Variants in DDC observed in about 807,000 individuals in gnomAD.
DDC encodes dopa decarboxylase, also known as aromatic-L-amino-acid decarboxylase.
Under a neutral mutation model 60.0 loss-of-function variants are expected in DDC, and 43 were observed. The ratio of observed to expected loss-of-function variants is 0.72; its 90% CI spans 0.56 to 0.92. DDC has a LOEUF of 0.92. DDC is among the 40% of genes least tolerant of loss of function. DDC has a pLI of 0.00. For missense variants in DDC, 573 were observed against 620.2 expected (o/e 0.92, Z 0.81); for synonymous variants, 232 against 234.6 (o/e 0.99, Z 0.10).
intron 6 of DDC, among the ~76,000 whole-genome samples, chr7:50,526,754 G>T (rs2044047251): frequency 6.6e-6 from 1 of 152,124 alleles, no homozygotes; most frequent in African/African-American, 2.4e-5. Flanking sequence ...GAACAGGGAG[G>T]TTGAAAGTAG....
Position 50,470,140 on chromosome 7 carries a change from C to A in DDC, c.1073G>T (p.Arg358Leu). The change falls in exon 12 of 15, where the codon CGC becomes CTC. Residue 358 changes from arginine to leucine, a missense_variant. Physicochemically the swap from Arg to Leu is moderately radical, Grantham distance 102. Coordinates refer to ENST00000444124, the MANE Select transcript of DDC (RefSeq NM_001082971.2). The stretch of plus-strand genomic sequence containing the variant: ...AAATACAAACCACATTTTCAAAGAG[C>A]GAAATCTTCTGCCCAGTGGTATCTG... ...HWQIPLGRRF[R>L]SLKMWFVFRM... 1 of 1,613,368 alleles carries A rather than the reference C, an allele frequency of 6.2e-7. No homozygotes were observed.
intron 9 of DDC, chr7:50,492,842 A>G: frequency 1.3e-6 from 2 of 1,543,464 alleles, no homozygotes; most frequent in Non-Finnish European, 1.7e-6. Context: ...AGATGAGCGC[A>G]CAGCCGCCAA....
chr7:50,476,524 G>A lies in DDC; in HGVS notation c.1041+100C>T, dbSNP rs187653463. ...CCAGTTAGAAGGTGCCCACCAGTGCGTGCTGATCATGAGAGTGGGGGAGGA... is the reference window on the plus strand; with the variant it reads ...CCAGTTAGAAGGTGCCCACCAGTGCATGCTGATCATGAGAGTGGGGGAGGA... On this transcript the variant is annotated intron_variant, in intron 11 of 14. Transcript: ENST00000444124. The A allele has an allele frequency of 1.0e-4, 115 of 1,137,302 alleles. No homozygotes were observed. In the African/African-American group the frequency reaches 1.5e-3, roughly 15 times the overall value. 70.5% of individuals were successfully genotyped at this position (1,137,302 alleles called of 1,614,324 possible).
At position 50,460,447 on chromosome 7, in the gene DDC, G is replaced by A. The variant is rs532184931; in HGVS notation, c.*19-1604C>T. Among the ~76,000 whole-genome samples, 202 of 149,840 alleles carry A rather than the reference G, an allele frequency of 1.3e-3. 15 individuals are homozygous for A. Among genetic ancestry groups the A allele is most frequent in the African/African-American group, 4.9e-3 (195 of 40,120 alleles). ...CCCTGCCCGGCCAGCCGCCCCGTCC[G>A]GCCAGCCACCCGGTCCAGGAGGTGA... On this transcript the variant is annotated intron_variant, in intron 14 of 14. Coordinates refer to ENST00000444124, the MANE Select transcript of DDC (RefSeq NM_001082971.2).
intron 6 of DDC, among the ~76,000 whole-genome samples, chr7:50,514,935 A>C (rs1192212040): frequency 6.6e-6 from 1 of 152,200 alleles, no homozygotes; most frequent in African/African-American, 2.4e-5. Context: ...GTTGAACCTA[A>C]GAATAATCAG....
At chr7:50,497,364 C>T (rs1302515874) in intron 8 of DDC, among the ~76,000 whole-genome samples, 1 of 152,162 alleles carries the variant, frequency 6.6e-6, no homozygotes, top group African/African-American at 2.4e-5. Flanking sequence ...AAGATGAAAC[C>T]TCAAGTTGTC....
intron 1 of DDC, among the ~76,000 whole-genome samples, chr7:50,548,149 G>A (rs769478439): frequency 1.1e-4 from 16 of 152,116 alleles, no homozygotes; most frequent in Admixed American, 2.0e-4. Context: ...CCCATTATTC[G>A]CCTGTCTTTC....
intron 5 of DDC, among the ~76,000 whole-genome samples, chr7:50,528,999 G>T (rs949516607): frequency 6.6e-6 from 1 of 152,158 alleles, no homozygotes; most frequent in Admixed American, 6.5e-5. Flanking sequence ...TCGCGGTGAT[G>T]TCTCCACACA....
rs565275310 is a variant in DDC at position 50,505,061 on chromosome 7, G to A, written c.715-1002C>T. ...GTCAGTCACACAACCCAGAAAATAC[G>A]GGCTGGGAGTCACTGCGGCCTCTCC... is the stretch of plus-strand genomic sequence containing the variant. On this transcript the variant is annotated intron_variant, in intron 6 of 14. Transcript: ENST00000444124. Among the ~76,000 whole-genome samples, 6 of 152,280 alleles carry A rather than the reference G, an allele frequency of 3.9e-5. No homozygotes were observed. The East Asian group carries it at 7.7e-4, about 20-fold the overall frequency.
At chr7:50,467,390 T>C in intron 12 of DDC, 75 bp from the exon 13 acceptor site, 2 of 1,209,256 alleles carry the variant, frequency 1.7e-6, no homozygotes, top group Non-Finnish European at 2.5e-6. Context: ...GAAAACCTTA[T>C]TAGACTGCCC....
chr7:50,459,370 G>A (rs1333718773), intron 14 of DDC, among the ~76,000 whole-genome samples: 4 of 152,186 alleles, frequency 2.6e-5, no homozygotes, highest in South Asian at 2.1e-4. Context: ...GCCTCTGCCC[G>A]GCCGCCACCC....
intron 6 of DDC, among the ~76,000 whole-genome samples, chr7:50,523,917 A>G (rs2043967502): frequency 6.6e-6 from 1 of 152,248 alleles, no homozygotes; most frequent in Non-Finnish European, 1.5e-5. Flanking sequence ...GGAAGCAAAC[A>G]AGATGTCCTT....
intron 1 of DDC, among the ~76,000 whole-genome samples, chr7:50,547,501 G>A (rs1185883988): frequency 6.6e-6 from 1 of 152,170 alleles, no homozygotes; most frequent in Non-Finnish European, 1.5e-5. Flanking sequence ...GCAGGCATGA[G>A]CCACCGCACC....
At chr7:50,564,651 C>A (rs144905419) in intron 1 of DDC, among the ~76,000 whole-genome samples, 1 of 152,230 alleles carries the variant, frequency 6.6e-6, no homozygotes, top group Non-Finnish European at 1.5e-5. Context: ...CCGAACAATT[C>A]TCCCAATAGA....
intron 2 of DDC, chr7:50,543,581 C>T: frequency 2.3e-6 from 1 of 431,056 alleles, no homozygotes; most frequent in Admixed American, 3.5e-5. Context: ...TGAGGACACG[C>T]TCTATGTACC....
At chr7:50,547,517 G>A (rs769411901) in intron 1 of DDC, among the ~76,000 whole-genome samples, 21 of 152,198 alleles carry the variant, frequency 1.4e-4, no homozygotes, top group Non-Finnish European at 2.2e-4. Flanking sequence ...GCACCTGCCC[G>A]ATAAATACTT....
At chr7:50,519,790 T>G (rs927856050) in intron 6 of DDC, among the ~76,000 whole-genome samples, 1 of 152,090 alleles carries the variant, frequency 6.6e-6, no homozygotes, top group African/African-American at 2.4e-5. Flanking sequence ...TGGTGCAGTG[T>G]ATACTGCTCA....
At chr7:50,503,812 C>T (rs1463936162) in intron 7 of DDC, among the ~76,000 whole-genome samples, 181 bp downstream of exon 7, 2 of 151,966 alleles carry the variant, frequency 1.3e-5, no homozygotes, top group East Asian at 1.9e-4. Flanking sequence ...TCCAATTAGC[C>T]CAAATTCTGA....
rs369907099 is a variant in DDC, at chr7:50,539,905, G to A, written c.315+10C>T. The A allele has an allele frequency of 6.3e-5, 101 of 1,609,218 alleles. No homozygotes were observed. The East Asian group carries it at 1.4e-3, about 22-fold the overall frequency. On this transcript the variant is annotated intron_variant, in intron 3 of 14. Coordinates refer to ENST00000444124, the MANE Select transcript of DDC (RefSeq NM_001082971.2). ...CAGGACCCCTTCCCGAGGTGCATCC[G>A]GACCCTCACCCAGGAGAAGCCGATG... is the stretch of plus-strand genomic sequence containing the variant.
Sources: allele counts gnomAD v4.1 joint callset (sites outside exome capture counted in the v4.1 genomes callset), GRCh38; gene constraint gnomAD v4.1.1; transcripts MANE v1.5; gene names NCBI Gene and HGNC (gene_info 2026-07-23, HGNC 2026-07-21).